Variants in GALNT13 observed in about 807,000 individuals in gnomAD.
The protein encoded by GALNT13 is UDP-GalNAc:polypeptide N-acetylgalactosaminyltransferase 13.
A neutral mutation model predicts 64.2 loss-of-function variants in GALNT13; 28 were observed. The ratio of observed to expected loss-of-function variants is 0.44; its 90% CI spans 0.32 to 0.60. GALNT13 has a LOEUF of 0.60. Among genes scored for constraint, GALNT13 ranks in the 20% least tolerant of loss-of-function variants. The pLI is 0.05. For synonymous variants in GALNT13, 214 were observed against 224.6 expected, an observed-to-expected ratio of 0.95 and a Z score of 0.42; for missense variants, 577 against 669.8, an observed-to-expected ratio of 0.86 and a Z score of 1.53.
the GALNT13 span, among the ~76,000 whole-genome samples, chr2:153,155,747 T>C: frequency 1.3e-5 from 2 of 152,184 alleles, no homozygotes; most frequent in Non-Finnish European, 2.9e-5. Context: ...TGGTTATTTC[T>C]TGTCTTCTGC....
the GALNT13 span, among the ~76,000 whole-genome samples, chr2:153,364,323 G>A: frequency 6.6e-6 from 1 of 151,810 alleles, no homozygotes; most frequent in Non-Finnish European, 1.5e-5. Flanking sequence ...TCTGAAAACT[G>A]GCACAAGACA....
At chr2:153,184,415 A>G in the GALNT13 span, among the ~76,000 whole-genome samples, 13 of 152,304 alleles carry the variant, frequency 8.5e-5, no homozygotes, top group East Asian at 2.3e-3. Flanking sequence ...GTCATCTGCA[A>G]ACAAAGATAA....
the GALNT13 span, among the ~76,000 whole-genome samples, chr2:153,118,137 ACACACACACC>A: frequency 7.3e-5 from 11 of 150,518 alleles, no homozygotes; most frequent in Middle Eastern, 3.2e-3. Context: ...ACACACACAC[ACACACACACC>A]CCACATAAAC....
the GALNT13 span, among the ~76,000 whole-genome samples, chr2:153,130,482 A>G: frequency 1.3e-5 from 2 of 152,132 alleles, no homozygotes; most frequent in African/African-American, 4.8e-5. Flanking sequence ...AAACTCTCTA[A>G]GTGATCTGAA....
At chr2:154,001,494 C>T (rs566995205) in intron 3 of GALNT13, among the ~76,000 whole-genome samples, 2 of 151,846 alleles carry the variant, frequency 1.3e-5, no homozygotes. Context: ...TATAACAGGT[C>T]ATTTTAAGCT....
the GALNT13 span, among the ~76,000 whole-genome samples, chr2:153,272,501 T>C: frequency 7.3e-5 from 11 of 151,418 alleles, no homozygotes; most frequent in Non-Finnish European, 2.9e-5. Context: ...CCAACAAACA[T>C]ATGAAAAAAA....
chr2:153,529,112 A>T, the GALNT13 span, among the ~76,000 whole-genome samples: 2 of 152,008 alleles, frequency 1.3e-5, no homozygotes, highest in African/African-American at 2.4e-5. Flanking sequence ...AGAAAACAAT[A>T]CAAAAATCAC....
the GALNT13 span, among the ~76,000 whole-genome samples, chr2:153,619,092 C>T: frequency 6.6e-6 from 1 of 151,916 alleles, no homozygotes; most frequent in Admixed American, 6.6e-5. Flanking sequence ...GTGGACTGCT[C>T]TTCCTTGTTT....
chr2:153,792,731 T>C, the GALNT13 span, among the ~76,000 whole-genome samples: 1 of 152,174 alleles, frequency 6.6e-6, no homozygotes, highest in African/African-American at 2.4e-5. Context: ...TCCTATATCA[T>C]AGAAATCCTC....
intron 1 of GALNT13, among the ~76,000 whole-genome samples, chr2:153,880,825 A>G (rs1422576316): frequency 7.1e-6 from 1 of 140,976 alleles, no homozygotes; most frequent in Non-Finnish European, 1.5e-5. Flanking sequence ...TCTTTGCTCC[A>G]TATCTTGTTC....
chr2:154,025,434 T>TAC (rs917165454), intron 3 of GALNT13, among the ~76,000 whole-genome samples: 2 of 151,848 alleles, frequency 1.3e-5, no homozygotes, highest in African/African-American at 2.4e-5. Flanking sequence ...TGCCAGTACA[T>TAC]ACACACACAC....
chr2:154,159,008 A>C (rs1017186972), intron 4 of GALNT13, among the ~76,000 whole-genome samples: 2 of 152,160 alleles, frequency 1.3e-5, no homozygotes, highest in Admixed American at 1.3e-4. Context: ...TAATATAATG[A>C]ATGTTGTTTT....
the GALNT13 span, among the ~76,000 whole-genome samples, chr2:153,165,152 C>T: frequency 6.6e-6 from 1 of 152,178 alleles, no homozygotes; most frequent in Non-Finnish European, 1.5e-5. Context: ...AACACACAGT[C>T]TTTGAGGTCA....
chr2:154,110,620 T>C (rs968099743), intron 3 of GALNT13, among the ~76,000 whole-genome samples: 1 of 151,860 alleles, frequency 6.6e-6, no homozygotes, highest in Non-Finnish European at 1.5e-5. Context: ...GCTGATTTTA[T>C]ATTCTAGCTG....
chr2:154,341,168 A>G (rs987721327), intron 9 of GALNT13, among the ~76,000 whole-genome samples: 3 of 152,050 alleles, frequency 2.0e-5, no homozygotes, highest in African/African-American at 7.2e-5. Flanking sequence ...ATATACAGGC[A>G]TGTACAAAGG....
chr2:153,690,297 G>A, the GALNT13 span, among the ~76,000 whole-genome samples: 1 of 152,062 alleles, frequency 6.6e-6, no homozygotes, highest in Non-Finnish European at 1.5e-5. Context: ...GCTGGATATT[G>A]TTTTGAAAAA....
At chr2:154,355,744 A>T (rs182327428) in intron 9 of GALNT13, among the ~76,000 whole-genome samples, 2 of 152,182 alleles carry the variant, frequency 1.3e-5, no homozygotes, top group Admixed American at 1.3e-4. Context: ...TACTTTCCCA[A>T]TACCCATTTA....
the GALNT13 span, among the ~76,000 whole-genome samples, chr2:153,712,130 A>G: frequency 6.6e-6 from 1 of 152,200 alleles, no homozygotes; most frequent in Non-Finnish European, 1.5e-5. Flanking sequence ...GTAACTAGTC[A>G]TAAAATTCCT....
Position 153,957,543 on chromosome 2 carries a change from C to G in GALNT13, c.142+12904C>G, listed in dbSNP as rs192845013. On this transcript the variant is annotated intron_variant, in intron 3 of 12. Transcript: ENST00000392825. Reference sequence around the variant, plus strand: ...CTAGAATTGATGGAGAGCCTTTTTTCTCTCTCTTACCAGGGACAGTTAGGA... The same window carrying G: ...CTAGAATTGATGGAGAGCCTTTTTTGTCTCTCTTACCAGGGACAGTTAGGA... Among the ~76,000 whole-genome samples the G allele has an allele frequency of 7.2e-5, 11 of 152,226 alleles. No homozygotes were observed. In the East Asian group the frequency reaches 2.1e-3, roughly 29 times the overall value.
Sources: allele counts gnomAD v4.1 joint callset (sites outside exome capture counted in the v4.1 genomes callset), GRCh38; gene constraint gnomAD v4.1.1; transcripts MANE v1.5; gene names NCBI Gene and HGNC (gene_info 2026-07-23, HGNC 2026-07-21).